PCDHA2: variants seen among roughly 807,000 people sequenced by gnomAD.
The protein encoded by PCDHA2 is protocadherin alpha 2.
In PCDHA2, 58 loss-of-function variants were observed where a neutral mutation model predicts 66.0. The observed-to-expected ratio is 0.88, with a 90% CI of 0.71 to 1.09. PCDHA2 has a LOEUF of 1.09. Ranked by LOEUF, PCDHA2 falls within the 50% of genes least tolerant of loss-of-function variation. The pLI is 0.00. For missense variants in PCDHA2, 1,267 were observed against 1,242.3 expected (o/e 1.02, Z -0.30); for synonymous variants, 634 against 554.0 (o/e 1.14, Z -2.03).
chr5:140,926,880 G>A lies in PCDHA2; in HGVS notation c.2389-52069G>A. 4 of 1,534,946 alleles carry A rather than the reference G, an allele frequency of 2.6e-6. No homozygotes were observed. The South Asian group carries it at 3.8e-5, about 15-fold the overall frequency. On this transcript the variant is annotated intron_variant, in intron 1 of 3. Transcript: ENST00000526136. ...TGTAGCGTGTTGGTGGAACGTGGAC[G>A]CCTAGAGGGAGGATGGTGGGCTGTG...
intron 1 of PCDHA2, among the ~76,000 whole-genome samples, chr5:140,976,377 C>T (rs1472568038): frequency 2.0e-5 from 3 of 151,896 alleles, no homozygotes; most frequent in Admixed American, 6.6e-5. Flanking sequence ...ATGGTGAAAC[C>T]CCATCTCTAC....
In PCDHA2 at chr5:140,795,385, C is replaced by G. The variant is rs149113769; in HGVS notation, c.421C>G (p.Arg141Gly). ...PIFPMTVKTIRFPESRLLDSR... is the reference protein window; with the variant it reads ...PIFPMTVKTIGFPESRLLDSR... ...ATTTCCAATGACAGTAAAGACTATC[C>G]GGTTTCCCGAATCAAGGCTGCTTGA... is the stretch of plus-strand genomic sequence containing the variant. The change falls in exon 1 of 4, where the codon CGG becomes GGG. Residue 141 changes from arginine (R) to glycine (G), a missense_variant. Arg to Gly is a moderately radical substitution (Grantham distance 125). Transcript: ENST00000526136. 5.0e-6 allele frequency: 8 copies of G among 1,613,940 alleles called. No homozygotes were observed. Among genetic ancestry groups the G allele is most frequent in the Non-Finnish European group, 6.8e-6 (8 of 1,180,012 alleles).
intron 1 of PCDHA2, chr5:140,854,175 A>AAAAG (rs386405127): frequency 4.4e-6 from 3 of 674,282 alleles, no homozygotes; most frequent in African/African-American, 2.0e-5. Flanking sequence ...AAAAAAAAAA[A>AAAAG]AGAGTAGTTT....
At chr5:140,848,198 C>T (rs2150407095) in intron 1 of PCDHA2, 8 of 311,274 alleles carry the variant, frequency 2.6e-5, no homozygotes, top group African/African-American at 1.7e-4. Flanking sequence ...TCTGTTTCAA[C>T]AATCATTACT....
chr5:140,903,301 A>G (rs575233990), intron 1 of PCDHA2, among the ~76,000 whole-genome samples: 1 of 152,302 alleles, frequency 6.6e-6, no homozygotes, highest in East Asian at 1.9e-4. Context: ...GAAATTTAGT[A>G]TACAATAAAG....
intron 1 of PCDHA2, chr5:140,816,542 C>T (rs1473760184): frequency 6.6e-6 from 1 of 151,480 alleles, no homozygotes; most frequent in Non-Finnish European, 1.5e-5. Flanking sequence ...TGGGCACGCA[C>T]TATTTGATTG....
intron 1 of PCDHA2, among the ~76,000 whole-genome samples, chr5:140,907,596 G>A (rs1554193068): frequency 2.0e-5 from 3 of 152,214 alleles, no homozygotes; most frequent in African/African-American, 7.2e-5. Flanking sequence ...ATCACCCTGA[G>A]GAATGGTGCC....
At chr5:140,803,409 A>C (rs1554122799) in intron 1 of PCDHA2, 12 of 1,614,086 alleles carry the variant, frequency 7.4e-6, no homozygotes, top group Admixed American at 5.0e-5. Flanking sequence ...GGGCAAGCCC[A>C]CGCTGGTGTG....
At chr5:140,933,513 G>A (rs2089204044) in intron 1 of PCDHA2, among the ~76,000 whole-genome samples, 1 of 152,012 alleles carries the variant, frequency 6.6e-6, no homozygotes, top group African/African-American at 2.4e-5. Context: ...AAAGACTACA[G>A]CTGTTTTGTT....
intron 1 of PCDHA2, chr5:140,856,598 A>C: frequency 6.3e-7 from 1 of 1,597,872 alleles, no homozygotes; most frequent in East Asian, 2.2e-5. Context: ...TATTATAAAC[A>C]AAAAAGACAA....
intron 1 of PCDHA2, among the ~76,000 whole-genome samples, chr5:140,887,041 A>G (rs1166286264): frequency 6.6e-6 from 1 of 152,026 alleles, no homozygotes; most frequent in African/African-American, 2.4e-5. Flanking sequence ...AATATTTTTT[A>G]TAGTGCATAT....
intron 1 of PCDHA2, chr5:140,822,076 T>A: frequency 1.2e-6 from 2 of 1,614,048 alleles, no homozygotes; most frequent in Non-Finnish European, 1.7e-6. Flanking sequence ...GAGGGCGGAG[T>A]GCAGCATCCA....
chr5:141,004,591 A>G (rs1277305361), intron 3 of PCDHA2, among the ~76,000 whole-genome samples: 3 of 152,222 alleles, frequency 2.0e-5, no homozygotes, highest in Non-Finnish European at 2.9e-5. Context: ...TCTCCAGATG[A>G]CAGTGCTTAG....
chr5:140,947,277 T>C (rs1272482991), intron 1 of PCDHA2, among the ~76,000 whole-genome samples: 3 of 151,662 alleles, frequency 2.0e-5, no homozygotes, highest in African/African-American at 7.2e-5. Context: ...AAATACTTTT[T>C]CTTTTTATTG....
intron 1 of PCDHA2, among the ~76,000 whole-genome samples, chr5:140,913,928 G>A (rs2076511708): frequency 1.3e-5 from 2 of 151,918 alleles, no homozygotes; most frequent in Non-Finnish European, 2.9e-5. Flanking sequence ...CTTCATTGTG[G>A]TCAGAGAAGA....
intron 1 of PCDHA2, among the ~76,000 whole-genome samples, chr5:140,941,301 TTTC>T (rs1554214297): frequency 1.4e-5 from 2 of 143,748 alleles, no homozygotes; most frequent in African/African-American, 2.6e-5. Flanking sequence ...TCTTTCTTTC[TTTC>T]TTTTTCTTCT....
At chr5:140,968,210 A>T (rs376166734) in intron 1 of PCDHA2, 4 of 1,613,882 alleles carry the variant, frequency 2.5e-6, no homozygotes, top group Non-Finnish European at 3.4e-6. Flanking sequence ...ACAGGAGAAC[A>T]ATTTGCCAGG....
chr5:140,825,497 A>G (rs1554130262), intron 1 of PCDHA2: 1 of 150,846 alleles, frequency 6.6e-6, no homozygotes, highest in East Asian at 1.9e-4. Context: ...AACGAGTGCA[A>G]TGGTACAATC....
At chr5:141,002,220 G>A (rs2098065627) in intron 3 of PCDHA2, among the ~76,000 whole-genome samples, 1 of 152,196 alleles carries the variant, frequency 6.6e-6, no homozygotes. Context: ...TCAAAATGAT[G>A]GGTTTTCTGG....
Sources: gnomAD v4.1 joint callset for allele counts (sites outside exome capture counted in the v4.1 genomes callset) on GRCh38, gnomAD v4.1.1 for gene constraint, MANE v1.5 for transcripts, NCBI Gene and HGNC (gene_info 2026-07-23, HGNC 2026-07-21) for gene names.